Variants in GAPVD1 observed in about 807,000 individuals in gnomAD.
GAPVD1 encodes the protein GTPase-activating protein and VPS9 domain-containing protein 1.
A neutral mutation model predicts 155.5 loss-of-function variants in GAPVD1; 35 were observed. The observed-to-expected ratio is 0.23, with a 90% CI of 0.17 to 0.30. The LOEUF is 0.30. Ranked by LOEUF, GAPVD1 falls within the 10% of genes least tolerant of loss-of-function variation. GAPVD1 has a pLI of 1.00. For synonymous variants in GAPVD1, 636 were observed against 619.7 expected (o/e 1.03, Z -0.39); for missense variants, 1,429 against 1,775.7 (o/e 0.80, Z 3.51).
chr9:125,327,922 A>G (rs1028178530), intron 12 of GAPVD1, among the ~76,000 whole-genome samples: 1 of 152,110 alleles, frequency 6.6e-6, no homozygotes, highest in Non-Finnish European at 1.5e-5. Flanking sequence ...CTGTTCTCCT[A>G]TCCACTACCC....
chr9:125,312,109 GAT>G (rs1180552868), intron 8 of GAPVD1, among the ~76,000 whole-genome samples: 2 of 152,106 alleles, frequency 1.3e-5, no homozygotes, highest in African/African-American at 4.8e-5. Flanking sequence ...ATCTTAAAAA[GAT>G]AAGAAATGAG....
chr9:125,340,240 T>C (rs576069645), intron 17 of GAPVD1, among the ~76,000 whole-genome samples: 3 of 152,172 alleles, frequency 2.0e-5, no homozygotes, highest in Non-Finnish European at 4.4e-5. Context: ...GGGCTGTTCT[T>C]GAGCTCCTGA....
At chr9:125,357,536 G>A (rs149974225) in intron 25 of GAPVD1, among the ~76,000 whole-genome samples, 55 of 151,544 alleles carry the variant, frequency 3.6e-4, no homozygotes, top group African/African-American at 1.1e-3. Flanking sequence ...CTGAGATCGC[G>A]CCACTGCACT....
Position 125,302,632 on chromosome 9 carries a change from A to C in GAPVD1, c.835A>C (p.Ser279Arg). 1 of 1,613,914 alleles carries C rather than the reference A, an allele frequency of 6.2e-7. No homozygotes were observed. The highest frequency in any genetic ancestry group is 8.5e-7 in the Non-Finnish European group (1 of 1,179,854). ...LKQNTYCFPH[S>R]LRWIVSQMYK... ...ACAGAACACATATTGTTTTCCACAT[A>C]GTTTAAGGTGGATCGTGTCTCAGAT... Residue 279 changes from serine to arginine, a missense_variant, in exon 5 of 28, where the codon AGT (serine) becomes CGT (arginine). Transcript: ENST00000297933.
intron 9 of GAPVD1, among the ~76,000 whole-genome samples, chr9:125,320,709 T>A (rs922635731): frequency 6.6e-6 from 1 of 152,138 alleles, no homozygotes; most frequent in Non-Finnish European, 1.5e-5. Flanking sequence ...CACTGCAAGC[T>A]CCGCCTCCCA....
intron 15 of GAPVD1, 73 bp downstream of exon 15, chr9:125,332,702 C>CCAGTT: frequency 8.1e-7 from 1 of 1,241,942 alleles, no homozygotes; most frequent in Non-Finnish European, 1.2e-6. Context: ...TGACACATTG[C>CCAGTT]TGGTGACAGC....
chr9:125,323,068 A>G (rs1381171557), intron 10 of GAPVD1, among the ~76,000 whole-genome samples: 1 of 151,154 alleles, frequency 6.6e-6, no homozygotes, highest in Non-Finnish European at 1.5e-5. Flanking sequence ...AAAAAAAAAA[A>G]AGAAGAAAAA....
chr9:125,278,392 G>T (rs569061360), intron 2 of GAPVD1, among the ~76,000 whole-genome samples: 1 of 151,984 alleles, frequency 6.6e-6, no homozygotes, highest in African/African-American at 2.4e-5. Flanking sequence ...GTGGTAGTGG[G>T]TGCTGGTAAT....
chr9:125,351,808 T>G (rs1176019143), intron 23 of GAPVD1, among the ~76,000 whole-genome samples: 2 of 152,000 alleles, frequency 1.3e-5, no homozygotes, highest in Non-Finnish European at 2.9e-5. Context: ...TGGTGCGATC[T>G]TGGCTCACTG....
intron 23 of GAPVD1, among the ~76,000 whole-genome samples, chr9:125,353,090 A>C (rs868597218): frequency 6.6e-6 from 1 of 152,170 alleles, no homozygotes; most frequent in Middle Eastern, 3.4e-3. Flanking sequence ...CTGGGCAACA[A>C]GAGTGAAACT....
At chr9:125,325,262 C>G (rs537465915) in intron 11 of GAPVD1, among the ~76,000 whole-genome samples, 15 of 150,186 alleles carry the variant, frequency 1.0e-4, no homozygotes, top group Non-Finnish European at 1.9e-4. Flanking sequence ...TGGCTCATAC[C>G]TGTAATCCCT....
chr9:125,281,845 C>T lies in GAPVD1; in HGVS notation c.-150+12861C>T, dbSNP rs543409998. Among the ~76,000 whole-genome samples, 38 of 151,402 alleles carry T rather than the reference C, an allele frequency of 2.5e-4. No individual in the cohort carries two copies. The South Asian group carries it at 6.2e-3, about 25-fold the overall frequency. On this transcript the variant is annotated intron_variant, in intron 2 of 27. Coordinates refer to ENST00000297933, the MANE Select transcript of GAPVD1 (RefSeq NM_001282680.3). ...TGGCTTTTTTTTTTTGATGGAGTCT[C>T]GCTCTGTCACCCAGGCTGGAATACA...
chr9:125,355,037 A>T lies in GAPVD1; in HGVS notation c.3757+196A>T, dbSNP rs534256311. Among the ~76,000 whole-genome samples the T allele has an allele frequency of 3.8e-4, 58 of 152,342 alleles. 1 individual carries two copies. In the South Asian group the frequency reaches 5.4e-3, roughly 14 times the overall value. On this transcript the variant is annotated intron_variant, in intron 24 of 27. Coordinates refer to ENST00000297933, the MANE Select transcript of GAPVD1 (RefSeq NM_001282680.3). The stretch of plus-strand genomic sequence containing the variant: ...TTTTTCTCCTGGATTGAATATCTGT[A>T]GCTTACTTTTTAAATTGGGGACATT...
chr9:125,294,428 C>A (rs1162828168), intron 2 of GAPVD1, among the ~76,000 whole-genome samples: 1 of 150,304 alleles, frequency 6.7e-6, no homozygotes, highest in Non-Finnish European at 1.5e-5. Context: ...CTCACTGCAA[C>A]CTTCACCTCT....
At chr9:125,318,753 C>T (rs916900753) in intron 9 of GAPVD1, among the ~76,000 whole-genome samples, 5 of 151,410 alleles carry the variant, frequency 3.3e-5, no homozygotes, top group African/African-American at 1.2e-4. Flanking sequence ...CTTGTCTCTA[C>T]AAAAATAAAA....
intron 2 of GAPVD1, among the ~76,000 whole-genome samples, chr9:125,279,536 ACT>A (rs1222414728): frequency 6.7e-6 from 1 of 149,452 alleles, no homozygotes; most frequent in Non-Finnish European, 1.5e-5. Flanking sequence ...GTGCCATTGT[ACT>A]CCAGCCTAGG....
chr9:125,298,635 C>T (rs1039497930), intron 3 of GAPVD1, among the ~76,000 whole-genome samples: 6 of 151,436 alleles, frequency 4.0e-5, no homozygotes, highest in Non-Finnish European at 5.9e-5. Flanking sequence ...ACTACAGGCG[C>T]GCCCCACCGC....
Position 125,263,529 on chromosome 9 carries a change from T to C in GAPVD1, c.-199+1570T>C. The C allele has an allele frequency of 1.0e-5, 4 of 387,738 alleles. No homozygotes were observed. The East Asian group carries it at 2.0e-4, about 19-fold the overall frequency. The allele number at this position is 387,738 out of a possible 1,614,324, so 24.0% of individuals were successfully genotyped here. ...ATAAGTCTACTTAGAAGAACTGTTG[T>C]TTTTTTTTTTTTGGTTGTAAGTTTA... On this transcript the variant is annotated intron_variant, in intron 1 of 27. Transcript: ENST00000297933.
At chr9:125,307,642 T>G in intron 7 of GAPVD1, 49 bp from the exon 8 acceptor site, 1 of 1,576,900 alleles carries the variant, frequency 6.3e-7, no homozygotes, top group Non-Finnish European at 8.7e-7. Flanking sequence ...AAATACATAT[T>G]GTATTTGAAA....
Sources: gnomAD v4.1 joint callset for allele counts (sites outside exome capture counted in the v4.1 genomes callset) on GRCh38, gnomAD v4.1.1 for gene constraint, MANE v1.5 for transcripts, NCBI Gene and HGNC (gene_info 2026-07-23, HGNC 2026-07-21) for gene names.